The following PTPN21 variants were observed in gnomAD, a reference collection of about 807,000 sequenced individuals.
The protein encoded by PTPN21 is tyrosine-protein phosphatase non-receptor type 21.
PTPN21 carries 77 observed loss-of-function variants against 131.8 expected under a neutral mutation model. The observed-to-expected ratio is 0.58, with a 90% CI of 0.49 to 0.71. The LOEUF is 0.71. Among genes scored for constraint, PTPN21 ranks in the 30% least tolerant of loss-of-function variants. The pLI, the probability that PTPN21 is intolerant of heterozygous loss-of-function variation, is 0.00. For synonymous variants in PTPN21, 715 were observed against 621.3 expected, an observed-to-expected ratio of 1.15 and a Z score of -2.24; for missense variants, 1,552 against 1,527.1, an observed-to-expected ratio of 1.02 and a Z score of -0.27.
chr14:88,496,489 C>A lies in PTPN21; in HGVS notation c.856G>T (p.Asp286Tyr). The change falls in exon 10 of 19, where the codon GAC becomes TAC. Residue 286 changes from aspartate to tyrosine, a missense_variant. Transcript: ENST00000556564. ...KEETIQFQTE[D>Y]METAKYIWRL... ...CAAATGTATTTTGCTGTTTCCATGTCTTCCTAGCAAACAAAATAGGCATAA... is the reference window on the plus strand; with the variant it reads ...CAAATGTATTTTGCTGTTTCCATGTATTCCTAGCAAACAAAATAGGCATAA... 6.2e-7 allele frequency: 1 copy of A among 1,613,052 alleles called. No individual in the cohort carries two copies. The highest frequency in any genetic ancestry group is 8.5e-7 in the Non-Finnish European group (1 of 1,179,172).
chr14:88,494,945 G>A lies in PTPN21; in HGVS notation c.932+1468C>T, dbSNP rs191867271. ...GGAGAATCACTTGAACCCGGGAGGC[G>A]GAGGTTGCAGTGAGCCAAGATCGTG... On this transcript the variant is annotated intron_variant, in intron 10 of 18. Transcript: ENST00000556564. Among the ~76,000 whole-genome samples, 1,058 of 145,194 alleles carry A rather than the reference G, an allele frequency of 7.3e-3. 12 individuals are homozygous for A. The highest frequency in any genetic ancestry group is 0.024 in the African/African-American group (955 of 39,980).
At chr14:88,471,951 C>T (rs2077476662) in intron 15 of PTPN21, among the ~76,000 whole-genome samples, 2 of 150,128 alleles carry the variant, frequency 1.3e-5, no homozygotes. Context: ...CAAATAAGTG[C>T]GCCCTGAGTC....
chr14:88,469,217 A>C lies in PTPN21; in HGVS notation c.3236-141T>G. 1.1e-6 allele frequency: 1 copy of C among 913,456 alleles called. No homozygotes were observed. Among genetic ancestry groups the C allele is most frequent in the Non-Finnish European group, 1.6e-6 (1 of 615,452 alleles). The allele number at this position is 913,456 out of a possible 1,614,324, so 56.6% of individuals were successfully genotyped here. ...TGCCAGTGAACCAAACCCAACCACA[A>C]AGGGACAGTGTGACCCTGAGCAAGT... On this transcript the variant is annotated intron_variant, in intron 17 of 18. Transcript: ENST00000556564. This position sits in a 1 kb window ranked among gnomAD's most constrained non-coding sequence, Gnocchi z 4.3.
At chr14:88,512,085 C>T (rs2078194462) in intron 3 of PTPN21, among the ~76,000 whole-genome samples, 2 of 151,758 alleles carry the variant, frequency 1.3e-5, no homozygotes, top group Non-Finnish European at 2.9e-5. Flanking sequence ...GTATAGTCAC[C>T]CCATCTCCTT....
chr14:88,484,513 T>G (rs947837244), intron 12 of PTPN21, among the ~76,000 whole-genome samples: 1 of 152,124 alleles, frequency 6.6e-6, no homozygotes, highest in Admixed American at 6.5e-5. Context: ...CTTTGTCAGA[T>G]AGCAAAGAAG....
chr14:88,486,924 C>T (rs1053372965), intron 10 of PTPN21, among the ~76,000 whole-genome samples: 1 of 146,810 alleles, frequency 6.8e-6, no homozygotes, highest in African/African-American at 2.6e-5. Flanking sequence ...TGCAGTGAGC[C>T]GAGATTGCGC....
chr14:88,497,734 G>T (rs537729415), intron 8 of PTPN21, among the ~76,000 whole-genome samples: 1 of 151,858 alleles, frequency 6.6e-6, no homozygotes, highest in African/African-American at 2.4e-5. Context: ...AGCCGAGATC[G>T]CACCACTGCA....
At chr14:88,510,731 T>C (rs754021934) in intron 3 of PTPN21, among the ~76,000 whole-genome samples, 10 of 152,076 alleles carry the variant, frequency 6.6e-5, no homozygotes, top group Non-Finnish European at 1.5e-4. Context: ...ATAGAGATAA[T>C]AGCACCTACA....
rs2077390588 is a variant in PTPN21 at position 88,467,957 on chromosome 14, C to T, written c.*180G>A. On this transcript the variant is annotated 3_prime_UTR_variant, in exon 19 of 19. Coordinates refer to ENST00000556564, the MANE Select transcript of PTPN21 (RefSeq NM_007039.4). ...GAGCACCTTTCCCAGGTTAGAAACCCCTCTTCAGCCTGTGCTTCGCACGTT... is the reference window on the plus strand; with the variant it reads ...GAGCACCTTTCCCAGGTTAGAAACCTCTCTTCAGCCTGTGCTTCGCACGTT... 7.4e-6 allele frequency: 6 copies of T among 812,868 alleles called. No homozygotes were observed. Among genetic ancestry groups the T allele is most frequent in the Non-Finnish European group, 1.2e-5 (6 of 500,472 alleles). The allele number at this position is 812,868 out of a possible 1,614,324, so 50.4% of individuals were successfully genotyped here.
chr14:88,503,053 CTTTTTTT>C (rs576430469), intron 6 of PTPN21, among the ~76,000 whole-genome samples: 1 of 141,092 alleles, frequency 7.1e-6, no homozygotes, highest in African/African-American at 2.6e-5. Context: ...AAATCTTTTT[CTTTTTTT>C]TTTTTTTGCT....
intron 10 of PTPN21, among the ~76,000 whole-genome samples, chr14:88,495,516 G>C (rs374177371): frequency 6.6e-6 from 1 of 152,024 alleles, no homozygotes; most frequent in African/African-American, 2.4e-5. Context: ...CAAAATTAGT[G>C]GGGTGTGGTG....
chr14:88,495,715 G>A (rs937122221), intron 10 of PTPN21, among the ~76,000 whole-genome samples: 1 of 152,172 alleles, frequency 6.6e-6, no homozygotes, highest in Non-Finnish European at 1.5e-5. Flanking sequence ...GCAGGGGGTG[G>A]TGTCCTGGCA....
chr14:88,516,181 C>T (rs1275304341), intron 3 of PTPN21, among the ~76,000 whole-genome samples: 4 of 152,092 alleles, frequency 2.6e-5, no homozygotes, highest in Non-Finnish European at 5.9e-5. Context: ...ACCATCTTAA[C>T]ACAAGTAGAA....
At position 88,521,016 on chromosome 14, in the gene PTPN21, A is replaced by AT. The variant is rs1262913239; in HGVS notation, c.181-3756dup. Among the ~76,000 whole-genome samples the AT allele has an allele frequency of 7.3e-3, 1,106 of 151,122 alleles. 33 individuals carry two copies. Among genetic ancestry groups the AT allele is most frequent in the Admixed American group, 0.062 (942 of 15,088 alleles). The stretch of plus-strand genomic sequence containing the variant: ...TGCCACCACACCAGGCTATATATAT[A>AT]TATTTTTTTTGGTCAAGAGAGGGTC... On this transcript the variant is annotated intron_variant, in intron 2 of 18. Coordinates refer to ENST00000556564, the MANE Select transcript of PTPN21 (RefSeq NM_007039.4).
At chr14:88,517,773 TATA>T (rs1186686575) in intron 2 of PTPN21, among the ~76,000 whole-genome samples, 1 of 143,624 alleles carries the variant, frequency 7.0e-6, no homozygotes, top group African/African-American at 2.6e-5. Context: ...ATACACTATA[TATA>T]ATGGTATATA....
rs548209410 is a variant in PTPN21, at chr14:88,493,028, C to T, written c.932+3385G>A. 173 of 452,796 alleles carry T rather than the reference C, an allele frequency of 3.8e-4. 1 individual carries two copies. Among genetic ancestry groups the T allele is most frequent in the South Asian group, 1.8e-3 (113 of 63,666 alleles). The allele number at this position is 452,796 out of a possible 1,614,324, so 28.0% of individuals were successfully genotyped here. On this transcript the variant is annotated intron_variant, in intron 10 of 18. Coordinates refer to ENST00000556564, the MANE Select transcript of PTPN21 (RefSeq NM_007039.4). ...GAACTACTCTAACAGGCTAGCACAG[C>T]GGCTAAGAGCACAGGCTCGAGTCTT...
chr14:88,483,407 G>A lies in PTPN21; in HGVS notation c.1078+1669C>T, dbSNP rs371552891. On this transcript the variant is annotated intron_variant, in intron 12 of 18. Coordinates refer to ENST00000556564, the MANE Select transcript of PTPN21 (RefSeq NM_007039.4). ...CCGGGATTGCAAATACCAGACAAGG[G>A]CAGGGTGCAAGAGGGAGGAAATACA... Among the ~76,000 whole-genome samples, 7 of 152,148 alleles carry A rather than the reference G, an allele frequency of 4.6e-5. No homozygotes were observed. The South Asian group carries it at 1.0e-3, about 23-fold the overall frequency.
chr14:88,470,144 T>A (rs1447804651), intron 15 of PTPN21, 94 bp from the exon 16 acceptor site: 16 of 1,222,262 alleles, frequency 1.3e-5, no homozygotes, highest in Non-Finnish European at 1.8e-5. Context: ...AAAGTTTTTT[T>A]AAAAAAGTAA....
chr14:88,539,946 G>C (rs1286352150), intron 2 of PTPN21, among the ~76,000 whole-genome samples: 1 of 152,180 alleles, frequency 6.6e-6, no homozygotes, highest in East Asian at 1.9e-4. Flanking sequence ...GGCGAATCAA[G>C]TATGCAAGTG....
Sources: gnomAD v4.1 joint callset for allele counts (sites outside exome capture counted in the v4.1 genomes callset) on GRCh38, gnomAD v4.1.1 for gene constraint, Gnocchi (gnomAD v3.1) non-coding constraint, MANE v1.5 for transcripts, NCBI Gene and HGNC (gene_info 2026-07-23, HGNC 2026-07-21) for gene names.